SAE1: variants seen among roughly 807,000 people sequenced by gnomAD.
SAE1 encodes the protein SUMO1 activating enzyme subunit 1, also known as SUMO-activating enzyme subunit 1.
SAE1 carries 11 observed loss-of-function variants against 40.6 expected under a neutral mutation model. The observed-to-expected ratio is 0.27, with a 90% CI of 0.17 to 0.45. The LOEUF is 0.45. Ranked by LOEUF, SAE1 falls within the 20% of genes least tolerant of loss-of-function variation. The probability of loss-of-function intolerance (pLI) is 1.00; values close to 1 mark genes in which losing one functional copy is unlikely to be tolerated. For synonymous variants in SAE1, 155 were observed against 154.3 expected, an observed-to-expected ratio of 1.00 and a Z score of -0.03; for missense variants, 373 against 427.3, an observed-to-expected ratio of 0.87 and a Z score of 1.12.
At chr19:47,193,057 C>CT (rs869046931) in intron 6 of SAE1, among the ~76,000 whole-genome samples, 2,320 of 136,974 alleles carry the variant, frequency 0.017, 27 homozygotes, top group East Asian at 0.028. Flanking sequence ...TGGTCACAGC[C>CT]TTTTTTTTTT....
intron 6 of SAE1, among the ~76,000 whole-genome samples, chr19:47,172,725 C>A: frequency 6.7e-6 from 1 of 149,000 alleles, no homozygotes. Flanking sequence ...GAAACAGAGT[C>A]AATCACAGAT....
chr19:47,207,631 C>T lies in SAE1; in HGVS notation c.949-1528C>T, dbSNP rs1004519336. ...GACCCTGCCTCAAAAGACAGGGCCA[C>T]GTGCTCACTCTCCTTCCCACCCCTC... On this transcript the variant is annotated intron_variant, in intron 8 of 8. Transcript: ENST00000270225. 3.3e-5 allele frequency among the ~76,000 whole-genome samples: 5 copies of T among 152,204 alleles called. No homozygotes were observed. The East Asian group carries it at 5.8e-4, about 18-fold the overall frequency.
intron 6 of SAE1, among the ~76,000 whole-genome samples, chr19:47,182,257 A>G (rs2058511106): frequency 6.6e-6 from 1 of 152,112 alleles, no homozygotes; most frequent in African/African-American, 2.4e-5. Flanking sequence ...TAACCTTTGC[A>G]AAGCAGGCCA....
intron 7 of SAE1, 118 bp from the exon 8 acceptor site, chr19:47,203,553 C>A (rs893580988): frequency 2.5e-6 from 2 of 791,572 alleles, no homozygotes; most frequent in Admixed American, 2.0e-5. Flanking sequence ...CTATCTGAAT[C>A]GGGCCCTCCT....
intron 6 of SAE1, among the ~76,000 whole-genome samples, chr19:47,179,332 C>A (rs1028351690): frequency 4.0e-5 from 6 of 151,524 alleles, no homozygotes; most frequent in African/African-American, 1.5e-4. Context: ...ATGGTGAAAC[C>A]CTGTCTCTAC....
intron 1 of SAE1, among the ~76,000 whole-genome samples, chr19:47,135,243 G>A (rs1001993947): frequency 1.3e-5 from 2 of 152,042 alleles, no homozygotes; most frequent in African/African-American, 2.4e-5. Context: ...TAGTCACCCT[G>A]TTATGCTATC....
intron 7 of SAE1, among the ~76,000 whole-genome samples, chr19:47,197,797 G>A (rs768121991): frequency 2.0e-5 from 3 of 152,194 alleles, no homozygotes; most frequent in Non-Finnish European, 4.4e-5. Flanking sequence ...GTTGTGTTCA[G>A]GCTTTTCTAA....
intron 8 of SAE1, among the ~76,000 whole-genome samples, chr19:47,204,704 G>A (rs1280860226): frequency 6.6e-6 from 1 of 151,460 alleles, no homozygotes; most frequent in Non-Finnish European, 1.5e-5. Flanking sequence ...CACCATATTG[G>A]CCAGGCTGGT....
intron 5 of SAE1, among the ~76,000 whole-genome samples, chr19:47,168,475 T>C (rs978811859): frequency 6.6e-6 from 1 of 152,112 alleles, no homozygotes; most frequent in Non-Finnish European, 1.5e-5. Context: ...AGCTAACTTG[T>C]AGAGATTGGG....
intron 6 of SAE1, among the ~76,000 whole-genome samples, chr19:47,195,148 G>A (rs1175628846): frequency 2.0e-5 from 3 of 149,670 alleles, no homozygotes; most frequent in East Asian, 2.0e-4. Context: ...TCTGCCTCCC[G>A]GGTTCAAGCG....
intron 5 of SAE1, among the ~76,000 whole-genome samples, chr19:47,164,188 A>G (rs1191321307): frequency 2.0e-5 from 3 of 151,660 alleles, no homozygotes; most frequent in Middle Eastern, 3.4e-3. Flanking sequence ...TATTTTTTTG[A>G]GACGAAGTCT....
At position 47,210,572 on chromosome 19, in the gene SAE1, GCTTGTGTTT is replaced by G. The variant is rs780636392; in HGVS notation, c.*1325_*1333del. 1 of 152,158 alleles carries G rather than the reference GCTTGTGTTT, an allele frequency of 6.6e-6. No individual in the cohort carries two copies. The highest frequency in any genetic ancestry group is 1.5e-5 in the Non-Finnish European group (1 of 68,034). The allele number at this position is 152,158 out of a possible 1,614,324, so 9.4% of individuals were successfully genotyped here. A position where few individuals can be genotyped will look rare whatever the true frequency, so the allele number is the denominator to read the frequency against. On this transcript the variant is annotated 3_prime_UTR_variant, in exon 9 of 9. Transcript: ENST00000270225. ...GTGCGTTCCAGTTCACCCCACTCTT[GCTTGTGTTT>G]CTTCTTTATGTAAATTGTGTGATGT...
At chr19:47,140,663 G>T (rs1005464973) in intron 1 of SAE1, among the ~76,000 whole-genome samples, 2 of 151,836 alleles carry the variant, frequency 1.3e-5, no homozygotes, top group African/African-American at 4.8e-5. Context: ...AGGTGCAGTG[G>T]TGTGCACCTA....
intron 2 of SAE1, among the ~76,000 whole-genome samples, chr19:47,148,155 A>G (rs1311322016): frequency 6.6e-6 from 1 of 152,078 alleles, no homozygotes; most frequent in Non-Finnish European, 1.5e-5. Flanking sequence ...TTTGAATCAA[A>G]GATTGAATCC....
At chr19:47,152,843 G>A in intron 3 of SAE1, 55 bp from the exon 4 acceptor site, 1 of 1,546,998 alleles carries the variant, frequency 6.5e-7, no homozygotes. Context: ...AGACATCAGG[G>A]CAGTGATTCA....
chr19:47,165,643 T>G (rs559604776), intron 5 of SAE1, among the ~76,000 whole-genome samples: 2 of 152,328 alleles, frequency 1.3e-5, no homozygotes, highest in Non-Finnish European at 2.9e-5. Context: ...GTCGGGTGTA[T>G]TTTTTCTTTA....
chr19:47,184,101 C>T (rs751475706), intron 6 of SAE1, among the ~76,000 whole-genome samples: 15 of 152,004 alleles, frequency 9.9e-5, no homozygotes, highest in African/African-American at 2.2e-4. Context: ...GCTCTGGAAT[C>T]GCCTGACATT....
At chr19:47,140,243 A>G (rs1237168946) in intron 1 of SAE1, among the ~76,000 whole-genome samples, 1 of 151,702 alleles carries the variant, frequency 6.6e-6, no homozygotes, top group African/African-American at 2.4e-5. Flanking sequence ...AGTAGCTGGG[A>G]CTACAGGCGC....
chr19:47,192,251 T>C (rs1013494824), intron 6 of SAE1, among the ~76,000 whole-genome samples: 9 of 151,804 alleles, frequency 5.9e-5, no homozygotes, highest in Non-Finnish European at 1.0e-4. Context: ...TTGTTGTTGT[T>C]GTCGTCGTTG....
Sources: allele counts gnomAD v4.1 joint callset (sites outside exome capture counted in the v4.1 genomes callset), GRCh38; gene constraint gnomAD v4.1.1; transcripts MANE v1.5; gene names NCBI Gene and HGNC (gene_info 2026-07-23, HGNC 2026-07-21).